CLTCL1: variants seen among roughly 807,000 people sequenced by gnomAD.
CLTCL1 encodes the protein clathrin heavy chain like 1, also known as clathrin heavy chain 2.
Under a neutral mutation model 190.0 loss-of-function variants are expected in CLTCL1, and 159 were observed. The ratio of observed to expected loss-of-function variants is 0.84; its 90% CI spans 0.74 to 0.95. The LOEUF is 0.95. Among genes scored for constraint, CLTCL1 ranks in the 40% least tolerant of loss-of-function variants. CLTCL1 has a pLI of 0.00. For missense variants in CLTCL1, 1,878 were observed against 2,033.4 expected (o/e 0.92, Z 1.47); for synonymous variants, 752 against 769.6 (o/e 0.98, Z 0.38).
In CLTCL1 at chr22:19,187,557, C is replaced by T. The variant is rs781824888; in HGVS notation, c.4605+1G>A. ...GGAGGAAACGGGCCCAGGCCACCAA[C>T]CTTGTAGAGATGATCCTTCTTGCAG... is the stretch of plus-strand genomic sequence containing the variant. On this transcript the variant is annotated splice_donor_variant, in intron 29 of 32. Coordinates refer to ENST00000427926, the MANE Select transcript of CLTCL1 (RefSeq NM_007098.4). LOFTEE classifies it high-confidence loss of function. 1 of 1,610,088 alleles carries T rather than the reference C, an allele frequency of 6.2e-7. No homozygotes were observed. Among genetic ancestry groups the T allele is most frequent in the Middle Eastern group, 2.1e-4 (1 of 4,788 alleles).
intron 2 of CLTCL1, among the ~76,000 whole-genome samples, chr22:19,261,240 G>T (rs1219157091): frequency 6.6e-6 from 1 of 151,932 alleles, no homozygotes; most frequent in Non-Finnish European, 1.5e-5. Context: ...AGCCTCCCCA[G>T]TAGCTGGGAC....
At position 19,184,000 on chromosome 22, in the gene CLTCL1, G is replaced by A. The variant is rs116050110; in HGVS notation, c.4606-389C>T. The A allele has an allele frequency of 5.8e-3, 1,847 of 316,348 alleles. 29 individuals carry two copies. The highest frequency in any genetic ancestry group is 0.036 in the African/African-American group (1,685 of 47,068). The allele number at this position is 316,348 out of a possible 1,614,324, so 19.6% of individuals were successfully genotyped here. A position where few individuals can be genotyped will look rare whatever the true frequency, so the allele number is the denominator to read the frequency against. ...TGACACCAGGGGAGCAGTTAGGAGG[G>A]GTACGGCTACTGCTCTAGAAACAGC... is the stretch of plus-strand genomic sequence containing the variant. On this transcript the variant is annotated intron_variant, in intron 29 of 32. Transcript: ENST00000427926.
intron 2 of CLTCL1, among the ~76,000 whole-genome samples, chr22:19,273,663 T>C (rs782763468): frequency 1.3e-5 from 2 of 152,184 alleles, no homozygotes; most frequent in Non-Finnish European, 2.9e-5. Flanking sequence ...TCTTTACCCA[T>C]TATAGCTTTA....
At chr22:19,189,864 C>T (rs1411427207) in intron 27 of CLTCL1, among the ~76,000 whole-genome samples, 4 of 152,226 alleles carry the variant, frequency 2.6e-5, no homozygotes, top group African/African-American at 4.8e-5. Flanking sequence ...AGGGTAATTA[C>T]GATATCCGTC....
chr22:19,219,118 C>T (rs1177072029), intron 18 of CLTCL1, among the ~76,000 whole-genome samples: 1 of 152,070 alleles, frequency 6.6e-6, no homozygotes, highest in Non-Finnish European at 1.5e-5. Flanking sequence ...TTTAGGCAAG[C>T]TATTTCTGCA....
intron 18 of CLTCL1, among the ~76,000 whole-genome samples, chr22:19,219,676 G>T (rs1274575343): frequency 3.3e-5 from 5 of 152,140 alleles, no homozygotes; most frequent in African/African-American, 1.2e-4. Context: ...TGGAGATGGG[G>T]TTTCACCACG....
intron 10 of CLTCL1, 54 bp from the exon 11 acceptor site, chr22:19,230,029 A>T: frequency 1.4e-6 from 2 of 1,462,148 alleles, no homozygotes; most frequent in Non-Finnish European, 1.8e-6. Flanking sequence ...TCAGTGTTTC[A>T]TTTTCCTATT....
In CLTCL1 at chr22:19,233,402, G is replaced by A. The variant is rs782317388; in HGVS notation, c.1368+20C>T. The A allele has an allele frequency of 3.1e-6, 5 of 1,613,246 alleles. No homozygotes were observed. Among genetic ancestry groups the A allele is most frequent in the Non-Finnish European group, 3.4e-6 (4 of 1,179,440 alleles). ...TTTTCAAGCTGTGCGGGGGGGCTAC[G>A]AGCTCACAAGTGTTTCTACCTTATC... On this transcript the variant is annotated intron_variant, in intron 8 of 32. Transcript: ENST00000427926.
chr22:19,281,013 G>A (rs1474750751), intron 1 of CLTCL1, among the ~76,000 whole-genome samples: 3 of 151,210 alleles, frequency 2.0e-5, no homozygotes, highest in Non-Finnish European at 2.9e-5. Context: ...GTTGTGGGCC[G>A]GGCGCGGCGG....
At chr22:19,192,620 G>A (rs529399417) in intron 26 of CLTCL1, among the ~76,000 whole-genome samples, 10 of 152,344 alleles carry the variant, frequency 6.6e-5, no homozygotes, top group East Asian at 3.9e-4. Flanking sequence ...TGTGGGGCCC[G>A]ATGGGGTCTT....
intron 4 of CLTCL1, 141 bp from the exon 5 acceptor site, chr22:19,239,529 A>C (rs2086184323): frequency 2.9e-6 from 2 of 692,144 alleles, no homozygotes; most frequent in African/African-American, 1.8e-5. Flanking sequence ...AAAGCAGAAC[A>C]ACCCCCTTGT....
Position 19,275,922 on chromosome 22 carries a change from T to C in CLTCL1, c.43-92A>G, listed in dbSNP as rs1035206644. 4 of 1,135,562 alleles carry C rather than the reference T, an allele frequency of 3.5e-6. No individual in the cohort carries two copies. The African/African-American group carries it at 4.7e-5, about 13-fold the overall frequency. 70.3% of individuals were successfully genotyped at this position (1,135,562 alleles called of 1,614,324 possible). ...AAAAGAGGAGAAGTTAAATAAAATT[T>C]AGAAAAAAGTTAACATTAGGTAAAC... On this transcript the variant is annotated intron_variant, in intron 1 of 32. Transcript: ENST00000427926.
chr22:19,219,891 A>T lies in CLTCL1; in HGVS notation c.2913T>A (p.Ile971=), dbSNP rs2085512682. The T allele has an allele frequency of 6.2e-7, 1 of 1,614,050 alleles. No homozygotes were observed. ...ACCCATCTCTGTGCCTCACCTGGTC[A>T]ATTAGCTGTCTCCTGGATGGGTTGG... ...EETNPSRRQL[I]DQVVQTALSE... The change falls in exon 18 of 33, where the codon ATT becomes ATA. Residue 971 remains isoleucine, a synonymous_variant. Transcript: ENST00000427926.
At chr22:19,258,555 T>A (rs1555973930) in intron 2 of CLTCL1, 2 of 583,872 alleles carry the variant, frequency 3.4e-6, no homozygotes, top group African/African-American at 3.7e-5. Flanking sequence ...GTACCTGGAG[T>A]CGGAGCTGGC....
chr22:19,182,929 G>T (rs551046451), intron 30 of CLTCL1: 46 of 199,542 alleles, frequency 2.3e-4, no homozygotes, highest in African/African-American at 9.8e-4. Flanking sequence ...CTGTTAGAAG[G>T]ATTCAGTGGA....
rs147579348 is a variant in CLTCL1, at chr22:19,255,539, G to A, written c.251-1312C>T. ...GATGATGCCACTGCACTCCAGCCTG[G>A]GTGACAAAGTGAAAACAGGTCTCAA... On this transcript the variant is annotated intron_variant, in intron 2 of 32. Transcript: ENST00000427926. Among the ~76,000 whole-genome samples, 729 of 147,520 alleles carry A rather than the reference G, an allele frequency of 4.9e-3. 6 individuals are homozygous for A. Among genetic ancestry groups the A allele is most frequent in the African/African-American group, 0.017 (658 of 39,878 alleles).
At chr22:19,227,647 G>T (rs1222198256) in intron 11 of CLTCL1, among the ~76,000 whole-genome samples, 1 of 152,048 alleles carries the variant, frequency 6.6e-6, no homozygotes, top group African/African-American at 2.4e-5. Context: ...TAAAGACAGG[G>T]TTTCACCATG....
intron 12 of CLTCL1, 116 bp downstream of exon 12, chr22:19,226,103 G>A (rs1160508202): frequency 1.7e-6 from 2 of 1,175,908 alleles, no homozygotes; most frequent in Non-Finnish European, 2.4e-6. Context: ...GTAGGTTAGG[G>A]CAGTGACAGG....
chr22:19,277,367 G>A (rs2087552695), intron 1 of CLTCL1, among the ~76,000 whole-genome samples: 1 of 152,162 alleles, frequency 6.6e-6, no homozygotes, highest in African/African-American at 2.4e-5. Flanking sequence ...TTACAAAGCT[G>A]ATTAATGATG....
Sources: gnomAD v4.1 joint callset for allele counts (sites outside exome capture counted in the v4.1 genomes callset) on GRCh38, gnomAD v4.1.1 for gene constraint, MANE v1.5 for transcripts, NCBI Gene and HGNC (gene_info 2026-07-23, HGNC 2026-07-21) for gene names.